C1orf167: variants seen among roughly 807,000 people sequenced by gnomAD.
The protein encoded by C1orf167 is uncharacterized protein C1orf167.
C1orf167 carries 153 observed loss-of-function variants against 176.5 expected under a neutral mutation model. That is an observed-to-expected ratio of 0.87 (90% CI 0.76 to 0.99). The LOEUF (loss-of-function observed/expected upper bound fraction) is 0.99, where lower values mean the gene tolerates loss of function less well. C1orf167 is among the 50% of genes least tolerant of loss of function. The pLI, the probability that C1orf167 is intolerant of heterozygous loss-of-function variation, is 0.00. For synonymous variants in C1orf167, 594 were observed against 752.7 expected (o/e 0.79, Z 3.45); for missense variants, 1,490 against 1,817.7 (o/e 0.82, Z 3.28).
chr1:11,783,959 G>A (rs1348099951), intron 14 of C1orf167, among the ~76,000 whole-genome samples: 1 of 152,128 alleles, frequency 6.6e-6, no homozygotes, highest in Non-Finnish European at 1.5e-5. Context: ...CTGGGTTCAG[G>A]CAATTCTTCT....
In C1orf167 at chr1:11,768,849, G is replaced by A; in HGVS notation, c.1543-124G>A. 1 of 631,884 alleles carries A rather than the reference G, an allele frequency of 1.6e-6. No homozygotes were observed. Among genetic ancestry groups the A allele is most frequent in the East Asian group, 1.4e-4 (1 of 7,164 alleles). 39.1% of individuals were successfully genotyped at this position (631,884 alleles called of 1,614,324 possible). On this transcript the variant is annotated intron_variant, in intron 5 of 20. Transcript: ENST00000688073. The surrounding 1 kb of genome is among the most constrained non-coding windows in gnomAD (Gnocchi z 4.5). ...AGAAGGAATGAATAGGCAGAGTAAT[G>A]GTTAAGACCACAGGCTGTGGAATCT...
chr1:11,768,359 C>A lies in C1orf167; in HGVS notation c.1542+84C>A. The A allele has an allele frequency of 3.4e-6, 4 of 1,170,462 alleles. No individual in the cohort carries two copies. Among genetic ancestry groups the A allele is most frequent in the Non-Finnish European group, 2.2e-6 (2 of 893,818 alleles). The allele number at this position is 1,170,462 out of a possible 1,614,324, so 72.5% of individuals were successfully genotyped here. A position where few individuals can be genotyped will look rare whatever the true frequency, so the allele number is the denominator to read the frequency against. On this transcript the variant is annotated intron_variant, in intron 5 of 20. Coordinates refer to ENST00000688073, the MANE Select transcript of C1orf167 (RefSeq NM_001010881.2). The surrounding 1 kb of genome is among the most constrained non-coding windows in gnomAD (Gnocchi z 4.5). ...GAGACTCAGTCTACGGAGAGGACACCCACTGGGCATAGGTGGCACCTCATG... is the reference window on the plus strand; with the variant it reads ...GAGACTCAGTCTACGGAGAGGACACACACTGGGCATAGGTGGCACCTCATG...
rs1166848650 is a variant in C1orf167 at position 11,762,263 on chromosome 1, A to G, written c.-113A>G. ...GCGGTCCCAGCCCCCGTCTAGATTC[A>G]AATCCGACTGGGTGAAGGAGGACCC... On this transcript the variant is annotated 5_prime_UTR_variant, in exon 1 of 21. Transcript: ENST00000688073. The G allele has an allele frequency of 4.7e-6, 2 of 425,998 alleles. No individual in the cohort carries two copies. The highest frequency in any genetic ancestry group is 2.5e-5 in the Admixed American group (1 of 39,946). 26.4% of individuals were successfully genotyped at this position (425,998 alleles called of 1,614,324 possible).
At chr1:11,776,800 G>A (rs1643338675) in intron 10 of C1orf167, among the ~76,000 whole-genome samples, 162 bp downstream of exon 10, 2 of 152,210 alleles carry the variant, frequency 1.3e-5, no homozygotes, top group Admixed American at 6.5e-5. Flanking sequence ...GGCACACTGC[G>A]GTGCCCAGCC....
In C1orf167 at chr1:11,782,327, T is replaced by C; in HGVS notation, c.2999T>C (p.Leu1000Pro). The C allele has an allele frequency of 8.1e-7, 1 of 1,238,308 alleles. No homozygotes were observed. The highest frequency in any genetic ancestry group is 1.1e-6 in the Non-Finnish European group (1 of 951,834). The allele number at this position is 1,238,308 out of a possible 1,614,324, so 76.7% of individuals were successfully genotyped here. The change falls in exon 14 of 21, where the codon CTG (leucine) becomes CCG (proline). Residue 1000 changes from leucine to proline, a missense_variant. Physicochemically the swap from Leu to Pro is moderately conservative, Grantham distance 98 (BLOSUM62 -3). Transcript: ENST00000688073. ...CTVTRPEQLL[L>P]QSYFQAWCEV... ...GTGACCCGGCCAGAGCAGCTGCTACTGCAGAGGTGGGTGGGCCTGGGGGTG... is the reference window on the plus strand; with the variant it reads ...GTGACCCGGCCAGAGCAGCTGCTACCGCAGAGGTGGGTGGGCCTGGGGGTG...
rs559492667 is a variant in C1orf167, at chr1:11,779,666, C to T, written c.2652-136C>T. Reference sequence around the variant, plus strand: ...GCCCCTCCAGTCCCCAGCAACCCACCCTCCCATAATGGAAACAGAAGAGTC... The same window carrying T: ...GCCCCTCCAGTCCCCAGCAACCCACTCTCCCATAATGGAAACAGAAGAGTC... On this transcript the variant is annotated intron_variant, in intron 12 of 20. Transcript: ENST00000688073. The T allele has an allele frequency of 4.9e-5, 30 of 609,222 alleles. No homozygotes were observed. The African/African-American group carries it at 5.6e-4, about 11-fold the overall frequency. The allele number at this position is 609,222 out of a possible 1,614,324, so 37.7% of individuals were successfully genotyped here.
chr1:11,788,334 C>T lies in C1orf167; in HGVS notation c.4034C>T (p.Ala1345Val), dbSNP rs763465988. The T allele has an allele frequency of 8.6e-5, 112 of 1,301,426 alleles. No homozygotes were observed. The East Asian group carries it at 3.5e-3, about 40-fold the overall frequency. The allele number at this position is 1,301,426 out of a possible 1,614,324, so 80.6% of individuals were successfully genotyped here. ...CAGGTGCCTGGCAGTGGCATGGCAG[C>T]ACTGGGTGGATGCCCAAGGGGCAGA... ...AGQVPGSGMA[A>V]LGGCPRGRAA... Residue 1345 changes from alanine to valine, a missense_variant, in exon 19 of 21, where the codon GCA (alanine) becomes GTA (valine). By Grantham distance (64) the Ala-to-Val change is moderately conservative. Coordinates refer to ENST00000688073, the MANE Select transcript of C1orf167 (RefSeq NM_001010881.2).
intron 4 of C1orf167, among the ~76,000 whole-genome samples, 191 bp from the exon 5 acceptor site, chr1:11,767,886 G>T (rs773461877): frequency 1.3e-5 from 2 of 152,164 alleles, no homozygotes; most frequent in African/African-American, 2.4e-5. Context: ...GGCCTTGCTT[G>T]TGTGGGGTTT....
rs773185522 is a variant in C1orf167, at chr1:11,785,283, C to G, written c.3561C>G (p.Ala1187=). 1 of 1,286,074 alleles carries G rather than the reference C, an allele frequency of 7.8e-7. No individual in the cohort carries two copies. Among genetic ancestry groups the G allele is most frequent in the Non-Finnish European group, 1.0e-6 (1 of 985,244 alleles). 79.7% of individuals were successfully genotyped at this position (1,286,074 alleles called of 1,614,324 possible). The stretch of plus-strand genomic sequence containing the variant: ...GGGTGCGGCTGGGACTGCCAGGGGC[C>G]GGCAAGGTACGCCCCAAGCCCCAGA... The part of the protein sequence containing the change: ...QLRVRLGLPG[A]GKTRSCWTQA... The change falls in exon 16 of 21, where the codon GCC becomes GCG. Residue 1187 remains alanine, a synonymous_variant. Coordinates refer to ENST00000688073, the MANE Select transcript of C1orf167 (RefSeq NM_001010881.2).
chr1:11,775,655 G>T, intron 9 of C1orf167, 45 bp downstream of exon 9: 1 of 1,270,182 alleles, frequency 7.9e-7, no homozygotes, highest in Non-Finnish European at 1.0e-6. Flanking sequence ...TGTCACTTAA[G>T]CCCCTTCTTC....
Position 11,789,276 on chromosome 1 carries a change from A to G in C1orf167, c.4180A>G (p.Lys1394Glu). ...CTCTCCTCCCTGGTTCCAGGCCTTT[A>G]AGAAGTGGCACCAACGCCTGGCAGC... is the stretch of plus-strand genomic sequence containing the variant. ...AVTAAGRWAFKKWHQRLAARS... is the reference protein window; with the variant it reads ...AVTAAGRWAFEKWHQRLAARS... Residue 1394 changes from lysine (K) to glutamate (E), a missense_variant, in exon 21 of 21, where the codon AAG becomes GAG. Physicochemically the swap from Lys to Glu is moderately conservative, Grantham distance 56. Coordinates refer to ENST00000688073, the MANE Select transcript of C1orf167 (RefSeq NM_001010881.2). The G allele has an allele frequency of 7.7e-7, 1 of 1,303,946 alleles. No individual in the cohort carries two copies. Among genetic ancestry groups the G allele is most frequent in the Non-Finnish European group, 1.0e-6 (1 of 988,870 alleles). The allele number at this position is 1,303,946 out of a possible 1,614,324, so 80.8% of individuals were successfully genotyped here.
In C1orf167 at chr1:11,767,247, A is replaced by G. The variant is rs6540996; in HGVS notation, c.1326A>G (p.Pro442=). Residue 442 remains proline, a synonymous_variant, in exon 4 of 21, where the codon CCA becomes CCG. Transcript: ENST00000688073. ...ACAAGGCACAAAACATCACAGCCCC[A>G]GAGTCTGAGGCAATCTGGTGAGGCC... ...SKNKAQNITA[P]ESEAICWQLL... 0.99 allele frequency: 1,282,213 copies of G among 1,289,670 alleles called. 637,705 individuals carry two copies. The highest frequency in any genetic ancestry group is 1 in the East Asian group (17,982 of 17,982). The allele number at this position is 1,289,670 out of a possible 1,614,324, so 79.9% of individuals were successfully genotyped here.
intron 6 of C1orf167, 84 bp from the exon 7 acceptor site, chr1:11,771,440 C>T (rs996265846): frequency 3.7e-6 from 3 of 819,822 alleles, no homozygotes; most frequent in Non-Finnish European, 5.3e-6. Flanking sequence ...CAGACCGCAC[C>T]TGCCTGGGGT....
At chr1:11,787,016 T>C in intron 16 of C1orf167, 1 of 153,340 alleles carries the variant, frequency 6.5e-6, no homozygotes, top group Admixed American at 6.4e-5. Context: ...CAGGGTCTCC[T>C]CTTTTCTGCC....
In C1orf167 at chr1:11,768,291, G is replaced by A. The variant is rs947518577; in HGVS notation, c.1542+16G>A. On this transcript the variant is annotated intron_variant, in intron 5 of 20. Coordinates refer to ENST00000688073, the MANE Select transcript of C1orf167 (RefSeq NM_001010881.2). The surrounding 1 kb of genome is among the most constrained non-coding windows in gnomAD (Gnocchi z 4.5). ...CTTCCGAGAGGTCAGCGGTCTCCAG[G>A]TTGGGCCAGGGGGCCGTGTGAAGCA... 1.8e-5 allele frequency: 23 copies of A among 1,289,396 alleles called. No individual in the cohort carries two copies. The highest frequency in any genetic ancestry group is 2.1e-5 in the Non-Finnish European group (21 of 988,550). 79.9% of individuals were successfully genotyped at this position (1,289,396 alleles called of 1,614,324 possible).
At chr1:11,763,167 T>TG (rs1247904319) in intron 1 of C1orf167, among the ~76,000 whole-genome samples, 1 of 152,058 alleles carries the variant, frequency 6.6e-6, no homozygotes, top group Non-Finnish European at 1.5e-5. Flanking sequence ...GGGCTGGGTG[T>TG]GGTGGCTCAC....
In C1orf167 at chr1:11,785,318, C is replaced by T. The variant is rs74053317; in HGVS notation, c.3567+29C>T. 6.1e-3 allele frequency: 7,694 copies of T among 1,254,404 alleles called. 311 individuals are homozygous for T. In the African/African-American group the frequency reaches 0.097, roughly 16 times the overall value. The allele number at this position is 1,254,404 out of a possible 1,614,324, so 77.7% of individuals were successfully genotyped here. The stretch of plus-strand genomic sequence containing the variant: ...CGCCCCAAGCCCCAGACTGACCTCA[C>T]GCTCTGGCCCCGGATGGCCAGCAGG... On this transcript the variant is annotated intron_variant, in intron 16 of 20. Coordinates refer to ENST00000688073, the MANE Select transcript of C1orf167 (RefSeq NM_001010881.2).
At chr1:11,774,752 A>G (rs1287981082) in intron 8 of C1orf167, among the ~76,000 whole-genome samples, 2 of 152,156 alleles carry the variant, frequency 1.3e-5, no homozygotes. Context: ...CTGAAATTTG[A>G]TGGTAGAGCA....
chr1:11,778,898 A>G, intron 11 of C1orf167, 28 bp from the exon 12 acceptor site: 9 of 1,299,652 alleles, frequency 6.9e-6, no homozygotes, highest in Non-Finnish European at 9.1e-6. Context: ...AGGGTAGGGG[A>G]CCAAGGACTC....
Sources: allele counts gnomAD v4.1 joint callset (sites outside exome capture counted in the v4.1 genomes callset), GRCh38; gene constraint gnomAD v4.1.1; non-coding constraint Gnocchi (gnomAD v3.1); transcripts MANE v1.5; gene names NCBI Gene and HGNC (gene_info 2026-07-23, HGNC 2026-07-21).